FAM149B1: variants seen among roughly 807,000 people sequenced by gnomAD.
FAM149B1 encodes primary cilium assembly protein FAM149B1.
A neutral mutation model predicts 75.3 loss-of-function variants in FAM149B1; 56 were observed. The ratio of observed to expected loss-of-function variants is 0.74; its 90% CI spans 0.60 to 0.93. The LOEUF is 0.93. FAM149B1 is among the 40% of genes least tolerant of loss of function. FAM149B1 has a pLI of 0.00. For missense variants in FAM149B1, 639 were observed against 708.4 expected, an observed-to-expected ratio of 0.90 and a Z score of 1.11; for synonymous variants, 259 against 256.1, an observed-to-expected ratio of 1.01 and a Z score of -0.11.
At chr10:73,179,464 G>T (rs1410440889) in intron 3 of FAM149B1, among the ~76,000 whole-genome samples, 1 of 151,844 alleles carries the variant, frequency 6.6e-6, no homozygotes, top group Non-Finnish European at 1.5e-5. Context: ...CACGCAGGCT[G>T]GAGTGCTGTG....
intron 10 of FAM149B1, chr10:73,234,127 T>A (rs766600714): frequency 6.6e-6 from 1 of 152,226 alleles, no homozygotes; most frequent in Non-Finnish European, 1.5e-5. Context: ...CTCAAAGGTA[T>A]GAGATAATAA....
intron 7 of FAM149B1, among the ~76,000 whole-genome samples, chr10:73,223,217 T>G (rs1384922376): frequency 1.6e-5 from 1 of 64,122 alleles, no homozygotes; most frequent in Non-Finnish European, 2.9e-5. Context: ...AGTCAGCTAC[T>G]TAATCCGTAC....
Position 73,168,251 on chromosome 10 carries a change from C to G in FAM149B1, c.-89C>G. On this transcript the variant is annotated 5_prime_UTR_variant, in exon 1 of 14. Transcript: ENST00000242505. Reference sequence around the variant, plus strand: ...GTGGCGGGAGGGGCCGGGCCGGAGCCGGCGGGAGGGCCAGGCCCGGAGGCC... The same window carrying G: ...GTGGCGGGAGGGGCCGGGCCGGAGCGGGCGGGAGGGCCAGGCCCGGAGGCC... 7.0e-7 allele frequency: 1 copy of G among 1,436,576 alleles called. No individual in the cohort carries two copies. The highest frequency in any genetic ancestry group is 2.4e-4 in the Middle Eastern group (1 of 4,084). 89.0% of individuals were successfully genotyped at this position (1,436,576 alleles called of 1,614,324 possible).
chr10:73,213,093 C>T (rs746285263), intron 7 of FAM149B1, among the ~76,000 whole-genome samples: 5 of 151,662 alleles, frequency 3.3e-5, no homozygotes, highest in African/African-American at 1.2e-4. Context: ...GCGATCTGCC[C>T]GTCTTGGCCT....
chr10:73,193,743 T>C (rs2042732674), intron 5 of FAM149B1, 150 bp downstream of exon 5: 1 of 765,922 alleles, frequency 1.3e-6, no homozygotes, highest in Non-Finnish European at 2.0e-6. Flanking sequence ...ATAGTCTTTG[T>C]GTATATTAAA....
In FAM149B1 at chr10:73,230,464, G is replaced by T. The variant is rs535762300; in HGVS notation, c.1066G>T (p.Asp356Tyr). 6.4e-7 allele frequency: 1 copy of T among 1,550,622 alleles called. No individual in the cohort carries two copies. The highest frequency in any genetic ancestry group is 8.7e-7 in the Non-Finnish European group (1 of 1,145,838). ...AAGCAGACATCAGCCAAATGTGAAT[G>T]ATCTCTTGGTTCATGGAATGCCTCT... is the stretch of plus-strand genomic sequence containing the variant. ...QASRHQPNVN[D>Y]LLVHGMPLQP... Residue 356 changes from aspartate (D) to tyrosine (Y), a missense_variant, in exon 9 of 14, where the codon GAT becomes TAT. Physicochemically the swap from Asp to Tyr is radical, Grantham distance 160. Transcript: ENST00000242505.
chr10:73,237,200 T>C (rs772154035), intron 12 of FAM149B1, among the ~76,000 whole-genome samples: 1 of 152,134 alleles, frequency 6.6e-6, no homozygotes, highest in Non-Finnish European at 1.5e-5. Flanking sequence ...GACATAAATT[T>C]TGAGGGAACA....
chr10:73,239,934 A>G (rs1227475189), intron 13 of FAM149B1, among the ~76,000 whole-genome samples: 1 of 152,146 alleles, frequency 6.6e-6, no homozygotes, highest in Admixed American at 6.5e-5. Flanking sequence ...AAATTGAGGG[A>G]TGTCTTTTTT....
chr10:73,212,792 C>T (rs1330224090), intron 7 of FAM149B1, among the ~76,000 whole-genome samples: 1 of 151,936 alleles, frequency 6.6e-6, no homozygotes, highest in African/African-American at 2.4e-5. Context: ...TTGTTGGATG[C>T]TTGTATGTCT....
rs1264923640 is a variant in FAM149B1, at chr10:73,234,924, G to C, written c.1460G>C (p.Gly487Ala). Residue 487 changes from glycine to alanine, a missense_variant, in exon 11 of 14, where the codon GGG becomes GCG. By Grantham distance (60) the Gly-to-Ala change is moderately conservative. Transcript: ENST00000242505. The stretch of plus-strand genomic sequence containing the variant: ...GAAGTGGAACATGTGAGCACTGTGG[G>C]GCCACAAAGACAGATGGTATGTTTC... ...TAEVEHVSTV[G>A]PQRQMKPHGD... is the part of the protein sequence containing the mutation. 4 of 1,551,846 alleles carry C rather than the reference G, an allele frequency of 2.6e-6. No individual in the cohort carries two copies. The African/African-American group carries it at 4.1e-5, about 16-fold the overall frequency.
At chr10:73,233,808 TCA>T (rs2043763269) in intron 10 of FAM149B1, among the ~76,000 whole-genome samples, 3 of 152,222 alleles carry the variant, frequency 2.0e-5, no homozygotes, top group African/African-American at 4.8e-5. Context: ...GGGAACATAT[TCA>T]GTGAAATTCA....
At chr10:73,223,929 A>T (rs2043474799) in intron 7 of FAM149B1, among the ~76,000 whole-genome samples, 1 of 152,106 alleles carries the variant, frequency 6.6e-6, no homozygotes, top group Non-Finnish European at 1.5e-5. Flanking sequence ...CAGTGTATCA[A>T]CCACCACGTA....
chr10:73,208,807 G>A (rs1329691034), intron 6 of FAM149B1, 21 bp downstream of exon 6: 1 of 1,385,820 alleles, frequency 7.2e-7, no homozygotes, highest in South Asian at 1.9e-5. Context: ...TGCCTTTTAA[G>A]CTTTTTACTC....
At chr10:73,176,855 C>T (rs371923845) in intron 2 of FAM149B1, among the ~76,000 whole-genome samples, 3 of 152,138 alleles carry the variant, frequency 2.0e-5, no homozygotes, top group South Asian at 2.1e-4. Context: ...GGCAAAACCC[C>T]GTCTCTACTA....
chr10:73,218,871 C>T (rs938625245), intron 7 of FAM149B1, among the ~76,000 whole-genome samples: 1 of 152,134 alleles, frequency 6.6e-6, no homozygotes, highest in Admixed American at 6.6e-5. Context: ...TCTCATCTTA[C>T]ATTTTATTAT....
intron 5 of FAM149B1, among the ~76,000 whole-genome samples, chr10:73,198,887 C>G (rs767740674): frequency 7.2e-5 from 11 of 152,174 alleles, no homozygotes; most frequent in Non-Finnish European, 1.2e-4. Flanking sequence ...AAATGGCCAA[C>G]AAGTGCCTGA....
rs576578390 is a variant in FAM149B1 at position 73,225,378 on chromosome 10, T to A, written c.899-2682T>A. On this transcript the variant is annotated intron_variant, in intron 7 of 13. Transcript: ENST00000242505. ...TGGAAAACAGTGATATTGATGATCC[T>A]CATCCTATGTAGGCCTAGGCTAATG... 4.5e-4 allele frequency among the ~76,000 whole-genome samples: 69 copies of A among 152,296 alleles called. 2 individuals carry two copies. In the South Asian group the frequency reaches 0.014, roughly 31 times the overall value.
chr10:73,186,336 A>T (rs1366006428), intron 3 of FAM149B1, among the ~76,000 whole-genome samples: 2 of 152,220 alleles, frequency 1.3e-5, no homozygotes, highest in Non-Finnish European at 2.9e-5. Context: ...GAATTTAATC[A>T]ACCTGAAAGG....
chr10:73,211,403 A>AC (rs1385589075), intron 7 of FAM149B1, among the ~76,000 whole-genome samples: 1 of 152,238 alleles, frequency 6.6e-6, no homozygotes, highest in East Asian at 1.9e-4. Context: ...ACAAAAAAAA[A>AC]CACCACTTTG....
Sources: allele counts gnomAD v4.1 joint callset (sites outside exome capture counted in the v4.1 genomes callset), GRCh38; gene constraint gnomAD v4.1.1; transcripts MANE v1.5; gene names NCBI Gene and HGNC (gene_info 2026-07-23, HGNC 2026-07-21).